SIK2: variants seen among roughly 807,000 people sequenced by gnomAD.
The protein encoded by SIK2 is salt inducible kinase 2.
SIK2 carries 29 observed loss-of-function variants against 103.2 expected under a neutral mutation model. The ratio of observed to expected loss-of-function variants is 0.28; its 90% CI spans 0.21 to 0.38. The LOEUF is 0.38. SIK2 is among the 10% of genes least tolerant of loss of function. The pLI is 1.00. For synonymous variants in SIK2, 412 were observed against 446.1 expected (o/e 0.92, Z 0.96); for missense variants, 879 against 1,171.0 (o/e 0.75, Z 3.64).
At chr11:111,603,635 C>T (rs1366730417) in intron 1 of SIK2, among the ~76,000 whole-genome samples, 1 of 152,138 alleles carries the variant, frequency 6.6e-6, no homozygotes, top group Non-Finnish European at 1.5e-5. Context: ...AAGCTGCTCT[C>T]CTCAGGGTCT....
At chr11:111,616,200 A>T in intron 1 of SIK2, 43 bp from the exon 2 acceptor site, 1 of 1,307,154 alleles carries the variant, frequency 7.7e-7, no homozygotes, top group Non-Finnish European at 1.1e-6. Flanking sequence ...GAAAATGTTA[A>T]CTATTGTATA....
chr11:111,654,194 A>G (rs927423648), intron 3 of SIK2, among the ~76,000 whole-genome samples: 1 of 152,186 alleles, frequency 6.6e-6, no homozygotes, highest in Non-Finnish European at 1.5e-5. Context: ...GTGCATCTGA[A>G]GGGGAGGAAG....
chr11:111,722,583 C>A lies in SIK2; in HGVS notation c.2056-82C>A. 7.8e-7 allele frequency: 1 copy of A among 1,288,530 alleles called. No homozygotes were observed. Among genetic ancestry groups the A allele is most frequent in the South Asian group, 1.3e-5 (1 of 78,042 alleles). The allele number at this position is 1,288,530 out of a possible 1,614,324, so 79.8% of individuals were successfully genotyped here. A position where few individuals can be genotyped will look rare whatever the true frequency, so the allele number is the denominator to read the frequency against. ...TTCTGTAGAATGCAGTTAGATTCATCCTGCAGGCAGAAGCACATCTGATGA... is the reference window on the plus strand; with the variant it reads ...TTCTGTAGAATGCAGTTAGATTCATACTGCAGGCAGAAGCACATCTGATGA... On this transcript the variant is annotated intron_variant, in intron 13 of 14. Coordinates refer to ENST00000304987, the MANE Select transcript of SIK2 (RefSeq NM_015191.3). This position sits in a 1 kb window ranked among gnomAD's most constrained non-coding sequence, Gnocchi z 4.4.
chr11:111,726,952 T>TA lies in SIK2; in HGVS notation c.*2826dup. On this transcript the variant is annotated 3_prime_UTR_variant, in exon 15 of 15. Coordinates refer to ENST00000304987, the MANE Select transcript of SIK2 (RefSeq NM_015191.3). ...TACTTTATTTTTTATGTTCTTTTTT[T>TA]AAATCTGGGGTATTAGTCTGTGCTT... is the stretch of plus-strand genomic sequence containing the variant. The TA allele has an allele frequency of 6.2e-7, 1 of 1,611,984 alleles. No individual in the cohort carries two copies. The highest frequency in any genetic ancestry group is 8.5e-7 in the Non-Finnish European group (1 of 1,178,168).
intron 3 of SIK2, among the ~76,000 whole-genome samples, chr11:111,647,383 GTAC>G (rs1373629137): frequency 6.6e-6 from 1 of 151,880 alleles, no homozygotes; most frequent in Non-Finnish European, 1.5e-5. Context: ...TTTTATTTGA[GTAC>G]TAGATTTAGA....
intron 8 of SIK2, among the ~76,000 whole-genome samples, chr11:111,707,891 T>TG (rs1189771468): frequency 1.3e-5 from 2 of 152,348 alleles, no homozygotes; most frequent in East Asian, 3.9e-4. Flanking sequence ...TCTGAGTTCC[T>TG]GTGCCCTTAA....
chr11:111,651,256 T>TA (rs2135863806), intron 3 of SIK2, among the ~76,000 whole-genome samples: 1 of 152,182 alleles, frequency 6.6e-6, no homozygotes, highest in Admixed American at 6.5e-5. Flanking sequence ...TTTTTTAAGG[T>TA]AAAATAATGT....
chr11:111,669,018 G>A (rs1942587035), intron 3 of SIK2, among the ~76,000 whole-genome samples: 2 of 152,164 alleles, frequency 1.3e-5, no homozygotes, highest in Admixed American at 6.5e-5. Flanking sequence ...CTACACATCA[G>A]GGTGCCCAAT....
intron 1 of SIK2, among the ~76,000 whole-genome samples, chr11:111,611,478 C>T (rs2135831481): frequency 6.6e-6 from 1 of 152,098 alleles, no homozygotes; most frequent in South Asian, 2.1e-4. Context: ...ATTTTTTAAT[C>T]TTTATAAATA....
chr11:111,717,807 C>T (rs371077290), intron 9 of SIK2, among the ~76,000 whole-genome samples: 1 of 152,110 alleles, frequency 6.6e-6, no homozygotes, highest in East Asian at 1.9e-4. Flanking sequence ...ATGAATGGAG[C>T]TGGAAGCCAT....
chr11:111,603,723 T>C (rs528651845), intron 1 of SIK2, among the ~76,000 whole-genome samples: 78 of 152,246 alleles, frequency 5.1e-4, no homozygotes, highest in African/African-American at 1.8e-3. Flanking sequence ...AACCTAGTGG[T>C]TTTGACGTAC....
intron 3 of SIK2, among the ~76,000 whole-genome samples, chr11:111,676,979 G>C (rs975667000): frequency 1.3e-5 from 2 of 152,156 alleles, no homozygotes; most frequent in Non-Finnish European, 2.9e-5. Context: ...CACAATATCA[G>C]TAGTTCAGCT....
chr11:111,602,533 C>T lies in SIK2; in HGVS notation c.-31C>T. ...CCAACCCTCCCGCCCGCCCGCGCTCCTGTCCGCCGTGTCTAGCAGCGGGGC... is the reference window on the plus strand; with the variant it reads ...CCAACCCTCCCGCCCGCCCGCGCTCTTGTCCGCCGTGTCTAGCAGCGGGGC... On this transcript the variant is annotated 5_prime_UTR_variant, in exon 1 of 15. Coordinates refer to ENST00000304987, the MANE Select transcript of SIK2 (RefSeq NM_015191.3). This position sits in a 1 kb window ranked among gnomAD's most constrained non-coding sequence, Gnocchi z 4.5. The T allele has an allele frequency of 6.8e-7, 1 of 1,469,660 alleles. No individual in the cohort carries two copies. The highest frequency in any genetic ancestry group is 9.0e-7 in the Non-Finnish European group (1 of 1,111,046). The allele number at this position is 1,469,660 out of a possible 1,614,324, so 91.0% of individuals were successfully genotyped here. A position where few individuals can be genotyped will look rare whatever the true frequency, so the allele number is the denominator to read the frequency against.
intron 3 of SIK2, among the ~76,000 whole-genome samples, chr11:111,656,526 CATA>C (rs2135867564): frequency 6.6e-6 from 1 of 152,296 alleles, no homozygotes; most frequent in Non-Finnish European, 1.5e-5. Context: ...GGATAACTAA[CATA>C]GTAGTTGTCG....
chr11:111,618,947 G>A (rs1941845989), intron 2 of SIK2, among the ~76,000 whole-genome samples: 1 of 152,046 alleles, frequency 6.6e-6, no homozygotes, highest in Non-Finnish European at 1.5e-5. Context: ...TGTTGCCCAG[G>A]CTGTTCTCAA....
intron 3 of SIK2, among the ~76,000 whole-genome samples, chr11:111,686,709 A>G (rs551499683): frequency 2.7e-4 from 41 of 152,348 alleles, no homozygotes; most frequent in African/African-American, 9.1e-4. Flanking sequence ...GTTTTATTGA[A>G]TTGATGTACA....
Position 111,613,140 on chromosome 11 carries a change from A to G in SIK2, c.136-3103A>G, listed in dbSNP as rs181320203. Among the ~76,000 whole-genome samples, 276 of 152,114 alleles carry G rather than the reference A, an allele frequency of 1.8e-3. 7 individuals carry two copies. The East Asian group carries it at 0.044, about 24-fold the overall frequency. On this transcript the variant is annotated intron_variant, in intron 1 of 14. Coordinates refer to ENST00000304987, the MANE Select transcript of SIK2 (RefSeq NM_015191.3). ...TTTCACTTTTTCATTGTTGAGGCCA[A>G]CATTCCAAAAGGGTATAAAAAAGGA...
chr11:111,638,806 G>A (rs1167703963), intron 3 of SIK2, among the ~76,000 whole-genome samples: 3 of 151,842 alleles, frequency 2.0e-5, no homozygotes, highest in African/African-American at 4.8e-5. Context: ...GTCTATTTCT[G>A]TTGTCCTTCT....
At chr11:111,645,344 C>T (rs1297176641) in intron 3 of SIK2, among the ~76,000 whole-genome samples, 1 of 152,148 alleles carries the variant, frequency 6.6e-6, no homozygotes, top group East Asian at 1.9e-4. Context: ...TGGCTCAATA[C>T]TTTGTAGTAT....
Sources: gnomAD v4.1 joint callset for allele counts (sites outside exome capture counted in the v4.1 genomes callset) on GRCh38, gnomAD v4.1.1 for gene constraint, Gnocchi (gnomAD v3.1) non-coding constraint, MANE v1.5 for transcripts, NCBI Gene and HGNC (gene_info 2026-07-23, HGNC 2026-07-21) for gene names.